The following SLC66A2 variants were observed in gnomAD, a reference collection of about 807,000 sequenced individuals.
SLC66A2 encodes the protein PQ loop repeat containing 1.
A neutral mutation model predicts 25.5 loss-of-function variants in SLC66A2; 23 were observed. That is an observed-to-expected ratio of 0.90 (90% CI 0.65 to 1.28). SLC66A2 has a LOEUF of 1.28. Ranked by LOEUF, SLC66A2 falls within the 50% of genes most tolerant of loss-of-function variation. The pLI, the probability that SLC66A2 is intolerant of heterozygous loss-of-function variation, is 0.00. For missense variants in SLC66A2, 396 were observed against 373.1 expected (o/e 1.06, Z -0.51); for synonymous variants, 193 against 166.5 (o/e 1.16, Z -1.23).
rs956720001 is a variant in SLC66A2 at position 79,912,068 on chromosome 18, G to A, written c.608+7116C>T. 7.9e-5 allele frequency among the ~76,000 whole-genome samples: 6 copies of A among 76,394 alleles called. No individual in the cohort carries two copies. The South Asian group carries it at 3.1e-3, about 40-fold the overall frequency. 50.1% of individuals were successfully genotyped at this position (76,394 alleles called of 152,430 possible). A position where few individuals can be genotyped will look rare whatever the true frequency, so the allele number is the denominator to read the frequency against. On this transcript the variant is annotated intron_variant, in intron 5 of 5. Transcript: ENST00000397778. Reference sequence around the variant, plus strand: ...GAGGGGAACAGTAGCAGGAGGGGATGGCAGCAGGGAGGGGACAAGAGCAGG... The same window carrying A: ...GAGGGGAACAGTAGCAGGAGGGGATAGCAGCAGGGAGGGGACAAGAGCAGG...
At chr18:79,925,858 C>T (rs901075104) in intron 4 of SLC66A2, among the ~76,000 whole-genome samples, 1 of 152,210 alleles carries the variant, frequency 6.6e-6, no homozygotes, top group African/African-American at 2.4e-5. Context: ...TAGAGGCTGG[C>T]TAAGATGAGG....
At chr18:79,915,159 G>A (rs968516431) in intron 5 of SLC66A2, among the ~76,000 whole-genome samples, 16 of 152,222 alleles carry the variant, frequency 1.1e-4, no homozygotes, top group Admixed American at 2.0e-4. Context: ...CTGGCTGTGC[G>A]TTCTAGCAGC....
At chr18:79,950,330 G>A (rs1475192118) in intron 2 of SLC66A2, among the ~76,000 whole-genome samples, 2 of 152,160 alleles carry the variant, frequency 1.3e-5, no homozygotes, top group Non-Finnish European at 2.9e-5. Context: ...ATGCACTTCA[G>A]CCTGGACCAC....
chr18:79,932,707 T>C lies in SLC66A2; in HGVS notation c.391+1262A>G, dbSNP rs143055563. ...AAAAATTATATGTCAACAAATTAGA[T>C]AACTTGGGTGAAATGGAAAAATTCC... On this transcript the variant is annotated intron_variant, in intron 4 of 5. Coordinates refer to ENST00000397778, the MANE Select transcript of SLC66A2 (RefSeq NM_025078.5). 4.4e-4 allele frequency among the ~76,000 whole-genome samples: 67 copies of C among 152,218 alleles called. 2 individuals carry two copies. The East Asian group carries it at 0.013, about 29-fold the overall frequency.
chr18:79,940,670 TC>T lies in SLC66A2; in HGVS notation c.337+2658del, dbSNP rs2144930534. 6.6e-6 allele frequency among the ~76,000 whole-genome samples: 1 copy of T among 151,976 alleles called. No individual in the cohort carries two copies. Among genetic ancestry groups the T allele is most frequent in the African/African-American group, 2.4e-5 (1 of 41,446 alleles). Reference sequence around the variant, plus strand: ...CTCCAGTGATGTTCCTGCCTTGCCCTCCCCTCTCCTGGCAGATGAGAGGACA... The same window carrying T: ...CTCCAGTGATGTTCCTGCCTTGCCCTCCCTCTCCTGGCAGATGAGAGGACA... On this transcript the variant is annotated intron_variant, in intron 3 of 5. Coordinates refer to ENST00000397778, the MANE Select transcript of SLC66A2 (RefSeq NM_025078.5). This position sits in a 1 kb window ranked among gnomAD's most constrained non-coding sequence, Gnocchi z 4.1.
chr18:79,945,419 T>C (rs1295939390), intron 2 of SLC66A2, among the ~76,000 whole-genome samples: 1 of 152,040 alleles, frequency 6.6e-6, no homozygotes, highest in Non-Finnish European at 1.5e-5. Context: ...TCAGCAGCCA[T>C]GGCCCAGGGT....
intron 2 of SLC66A2, chr18:79,944,697 A>C (rs1988017255): frequency 6.6e-6 from 1 of 152,426 alleles, no homozygotes; most frequent in South Asian, 2.1e-4. Flanking sequence ...GGAATTTTCA[A>C]AACTTGAACT....
At chr18:79,930,617 G>T (rs1480749466) in intron 4 of SLC66A2, among the ~76,000 whole-genome samples, 1 of 152,128 alleles carries the variant, frequency 6.6e-6, no homozygotes, top group Non-Finnish European at 1.5e-5. Context: ...GAAACAATAT[G>T]CATTGTATTG....
chr18:79,905,461 C>T (rs1568287299), intron 5 of SLC66A2, among the ~76,000 whole-genome samples: 1 of 152,044 alleles, frequency 6.6e-6, no homozygotes, highest in Non-Finnish European at 1.5e-5. Flanking sequence ...TTCGGAATTC[C>T]CCCCTGCCTG....
chr18:79,909,909 C>A (rs1470156199), intron 5 of SLC66A2, among the ~76,000 whole-genome samples: 5 of 141,898 alleles, frequency 3.5e-5, no homozygotes, highest in East Asian at 2.2e-4. Flanking sequence ...CCATAGAGTC[C>A]CCAACCTTCC....
intron 2 of SLC66A2, 187 bp from the exon 3 acceptor site, chr18:79,943,649 G>C: frequency 1.6e-6 from 1 of 618,728 alleles, no homozygotes; most frequent in Non-Finnish European, 2.7e-6. Context: ...TCCCGAACCT[G>C]CAGCGGGAGA....
chr18:79,946,967 GA>G (rs527315155), intron 2 of SLC66A2, among the ~76,000 whole-genome samples: 28 of 149,634 alleles, frequency 1.9e-4, no homozygotes, highest in Admixed American at 1.4e-3. Flanking sequence ...TTGTCTAAAA[GA>G]AAAAAAAAAT....
intron 4 of SLC66A2, among the ~76,000 whole-genome samples, chr18:79,932,542 C>T (rs904870176): frequency 5.3e-5 from 8 of 151,674 alleles, no homozygotes; most frequent in African/African-American, 1.9e-4. Context: ...TTGACCAGAA[C>T]AAAAAATTGA....
chr18:79,910,513 C>A (rs1982951527), intron 5 of SLC66A2, among the ~76,000 whole-genome samples: 1 of 152,214 alleles, frequency 6.6e-6, no homozygotes, highest in African/African-American at 2.4e-5. Context: ...CACCATCTCA[C>A]AAGACTTTTT....
chr18:79,906,220 C>T (rs1159016136), intron 5 of SLC66A2, among the ~76,000 whole-genome samples: 1 of 152,130 alleles, frequency 6.6e-6, no homozygotes, highest in African/African-American at 2.4e-5. Flanking sequence ...TTTATGTTTG[C>T]TGCAGTTTTG....
At chr18:79,911,611 C>G (rs566528417) in intron 5 of SLC66A2, among the ~76,000 whole-genome samples, 48 of 152,360 alleles carry the variant, frequency 3.2e-4, no homozygotes, top group African/African-American at 1.1e-3. Flanking sequence ...GCTCTGCTGG[C>G]TGCGGGGACA....
chr18:79,950,528 C>G (rs1252203883), intron 2 of SLC66A2, among the ~76,000 whole-genome samples, 196 bp downstream of exon 2: 1 of 152,138 alleles, frequency 6.6e-6, no homozygotes, highest in African/African-American at 2.4e-5. Flanking sequence ...GTGCTCCAAC[C>G]CCACCGTTTT....
chr18:79,922,144 C>T (rs868568907), intron 4 of SLC66A2, among the ~76,000 whole-genome samples: 25 of 151,986 alleles, frequency 1.6e-4, no homozygotes, highest in African/African-American at 5.8e-4. Context: ...AATAACTCAA[C>T]ATAAAAGACG....
At chr18:79,923,141 G>A (rs1484472704) in intron 4 of SLC66A2, among the ~76,000 whole-genome samples, 1 of 150,080 alleles carries the variant, frequency 6.7e-6, no homozygotes, top group Admixed American at 6.6e-5. Context: ...GTGGGCTCAT[G>A]TGTATTTCAT....
Sources: gnomAD v4.1 joint callset for allele counts (sites outside exome capture counted in the v4.1 genomes callset) on GRCh38, gnomAD v4.1.1 for gene constraint, Gnocchi (gnomAD v3.1) non-coding constraint, MANE v1.5 for transcripts, NCBI Gene and HGNC (gene_info 2026-07-23, HGNC 2026-07-21) for gene names.